Variants in AUTS2 observed in about 807,000 individuals in gnomAD.
AUTS2 encodes autism susceptibility gene 2 protein.
Under a neutral mutation model 112.4 loss-of-function variants are expected in AUTS2, and 17 were observed. The ratio of observed to expected loss-of-function variants is 0.15; its 90% confidence interval spans 0.10 to 0.23. The LOEUF (loss-of-function observed/expected upper bound fraction) is 0.23. Among genes scored for constraint, AUTS2 ranks in the 10% least tolerant of loss-of-function variants. The pLI, the probability that AUTS2 is intolerant of heterozygous loss-of-function variation, is 1.00. For synonymous variants in AUTS2, 751 were observed against 702.7 expected (o/e 1.07, Z -1.09); for missense variants, 1,510 against 1,701.6 (o/e 0.89, Z 1.98).
intron 2 of AUTS2, among the ~76,000 whole-genome samples, chr7:69,956,886 A>G (rs1797232931): frequency 6.7e-6 from 1 of 149,740 alleles, no homozygotes; most frequent in African/African-American, 2.5e-5. Context: ...CTTTTGAGAC[A>G]GGGTCTCATT....
At chr7:70,610,963 T>C (rs1466120822) in intron 5 of AUTS2, among the ~76,000 whole-genome samples, 1 of 152,222 alleles carries the variant, frequency 6.6e-6, no homozygotes, top group Non-Finnish European at 1.5e-5. Context: ...TTGTTTCCTT[T>C]GCCATGCCAA....
chr7:69,855,357 A>G (rs372718159), intron 1 of AUTS2, among the ~76,000 whole-genome samples: 5 of 152,168 alleles, frequency 3.3e-5, no homozygotes, highest in East Asian at 3.9e-4. Context: ...GCTAATAGAG[A>G]TCTGTTTGAG....
chr7:69,971,397 G>T (rs1797844970), intron 2 of AUTS2, among the ~76,000 whole-genome samples: 1 of 152,084 alleles, frequency 6.6e-6, no homozygotes, highest in Admixed American at 6.6e-5. Context: ...TGAGATAATG[G>T]TAGTACGTAA....
intron 1 of AUTS2, among the ~76,000 whole-genome samples, chr7:69,602,038 A>ATGTG (rs1233014731): frequency 4.0e-3 from 40 of 10,036 alleles, no homozygotes; most frequent in Non-Finnish European, 6.7e-3. Flanking sequence ...ATATATATAT[A>ATGTG]TATGTGTGTG....
chr7:69,806,140 C>T (rs562096761), intron 1 of AUTS2, among the ~76,000 whole-genome samples: 3 of 148,700 alleles, frequency 2.0e-5, no homozygotes, highest in African/African-American at 7.4e-5. Flanking sequence ...AAGCGGTCTT[C>T]CTACCTCCAC....
At chr7:69,773,545 T>C (rs1196521969) in intron 1 of AUTS2, among the ~76,000 whole-genome samples, 1 of 151,866 alleles carries the variant, frequency 6.6e-6, no homozygotes, top group Non-Finnish European at 1.5e-5. Context: ...AGAAAGGCTT[T>C]TTGACAGTAT....
At chr7:70,150,704 T>G (rs1807384693) in intron 4 of AUTS2, among the ~76,000 whole-genome samples, 1 of 152,202 alleles carries the variant, frequency 6.6e-6, no homozygotes, top group African/African-American at 2.4e-5. Context: ...AGTCAGCCTG[T>G]TTTAGGTTCT....
chr7:70,429,459 G>C (rs1013480605), intron 4 of AUTS2, among the ~76,000 whole-genome samples: 1 of 152,218 alleles, frequency 6.6e-6, no homozygotes, highest in Admixed American at 6.5e-5. Context: ...CAGGCTTTTA[G>C]GTAGAAACTT....
At chr7:70,641,325 G>A (rs1358552656) in intron 5 of AUTS2, among the ~76,000 whole-genome samples, 1 of 152,086 alleles carries the variant, frequency 6.6e-6, no homozygotes, top group Non-Finnish European at 1.5e-5. Flanking sequence ...CAAGGCAGGC[G>A]GATCACAAGG....
At chr7:70,525,886 G>A (rs537874443) in intron 5 of AUTS2, among the ~76,000 whole-genome samples, 2 of 152,314 alleles carry the variant, frequency 1.3e-5, no homozygotes, top group Non-Finnish European at 2.9e-5. Flanking sequence ...CAGGAAACAG[G>A]AGCATTCTGG....
Position 70,785,860 on chromosome 7 carries a change from G to A in AUTS2, c.2225-95G>A, listed in dbSNP as rs143258284. 3.7e-5 allele frequency: 43 copies of A among 1,161,634 alleles called. No homozygotes were observed. The East Asian group carries it at 4.7e-4, about 13-fold the overall frequency. 72.0% of individuals were successfully genotyped at this position (1,161,634 alleles called of 1,614,324 possible). A position where few individuals can be genotyped will look rare whatever the true frequency, so the allele number is the denominator to read the frequency against. On this transcript the variant is annotated intron_variant, in intron 16 of 18. Coordinates refer to ENST00000342771, the MANE Select transcript of AUTS2 (RefSeq NM_015570.4). The stretch of plus-strand genomic sequence containing the variant: ...ACAGGCCAGGTGGGGGCGTAGAGAG[G>A]GCAGGGATCCCGCATCGCCCTGCTC...
In AUTS2 at chr7:70,785,008, C is replaced by T. The variant is rs199704244; in HGVS notation, c.2213C>T (p.Ala738Val). The T allele has an allele frequency of 7.9e-5, 127 of 1,614,100 alleles. No individual in the cohort carries two copies. Among genetic ancestry groups the T allele is most frequent in the Admixed American group, 1.8e-4 (11 of 60,010 alleles). The change falls in exon 16 of 19, where the codon GCT becomes GTT. Residue 738 changes from alanine to valine, a missense_variant. Around this residue, in one of 3 missense-constraint regions of AUTS2, gnomAD observed 788 missense variants for 797.6 expected, o/e 0.99. Transcript: ENST00000342771. ...PPHHSNFLNPAAHLEPFNRPS... is the reference protein window; with the variant it reads ...PPHHSNFLNPVAHLEPFNRPS... ...CATCACAGCAACTTCCTCAACCCTGCTGCCCACCTAGGTGAGTCGCCCAAA... is the reference window on the plus strand; with the variant it reads ...CATCACAGCAACTTCCTCAACCCTGTTGCCCACCTAGGTGAGTCGCCCAAA...
chr7:70,112,983 A>G (rs1175588253), intron 2 of AUTS2, among the ~76,000 whole-genome samples: 1 of 152,058 alleles, frequency 6.6e-6, no homozygotes, highest in Non-Finnish European at 1.5e-5. Flanking sequence ...GAAGGCAAAT[A>G]TTTTTAACGT....
chr7:70,717,003 T>A (rs1810413609), intron 6 of AUTS2, among the ~76,000 whole-genome samples: 1 of 62,618 alleles, frequency 1.6e-5, no homozygotes, highest in African/African-American at 6.2e-5. Context: ...TATTTTTTTT[T>A]TTTTTTTTTT....
At chr7:69,976,563 A>C (rs752044222) in intron 2 of AUTS2, among the ~76,000 whole-genome samples, 4 of 152,196 alleles carry the variant, frequency 2.6e-5, no homozygotes, top group Non-Finnish European at 5.9e-5. Flanking sequence ...TTTCTATAGC[A>C]GTTGCACCAT....
intron 1 of AUTS2, among the ~76,000 whole-genome samples, chr7:69,757,764 CAA>C (rs1788000553): frequency 6.6e-6 from 1 of 152,256 alleles, no homozygotes; most frequent in Admixed American, 6.5e-5. Context: ...ACTTTTAATA[CAA>C]AGTGTTCATA....
chr7:70,204,397 T>G (rs1315078805), intron 4 of AUTS2, among the ~76,000 whole-genome samples: 1 of 152,186 alleles, frequency 6.6e-6, no homozygotes, highest in African/African-American at 2.4e-5. Flanking sequence ...ATTTGTGAAA[T>G]AAATGAATTA....
intron 4 of AUTS2, among the ~76,000 whole-genome samples, chr7:70,411,046 G>A (rs1188684403): frequency 1.3e-5 from 2 of 151,978 alleles, no homozygotes; most frequent in East Asian, 3.9e-4. Flanking sequence ...TGTATTTTTA[G>A]TAGAAATGGG....
intron 1 of AUTS2, among the ~76,000 whole-genome samples, chr7:69,860,561 A>G (rs1473598469): frequency 6.6e-6 from 1 of 151,846 alleles, no homozygotes; most frequent in East Asian, 1.9e-4. Context: ...TTTTCCTTCC[A>G]CTTGCAGAGC....
Sources: gnomAD v4.1 joint callset for allele counts (sites outside exome capture counted in the v4.1 genomes callset) on GRCh38, gnomAD v4.1.1 for gene constraint, gnomAD v4.1.1 regional missense constraint, MANE v1.5 for transcripts, NCBI Gene and HGNC (gene_info 2026-07-23, HGNC 2026-07-21) for gene names.